Variants in PTPRN2 observed in about 807,000 individuals in gnomAD.
The protein encoded by PTPRN2 is protein tyrosine phosphatase receptor type N2.
In PTPRN2, 74 loss-of-function variants were observed where a neutral mutation model predicts 118.8. The observed-to-expected ratio is 0.62, with a 90% CI of 0.52 to 0.76. The LOEUF (loss-of-function observed/expected upper bound fraction) is 0.76, where lower values mean the gene tolerates loss of function less well. Ranked by LOEUF, PTPRN2 falls within the 30% of genes least tolerant of loss-of-function variation. The pLI is 0.00. For synonymous variants in PTPRN2, 641 were observed against 608.0 expected (o/e 1.05, Z -0.80); for missense variants, 1,481 against 1,394.4 (o/e 1.06, Z -0.99).
Position 158,136,489 on chromosome 7 carries a change from T to C in PTPRN2, c.1173+166A>G, listed in dbSNP as rs558388180. ...TTTCGTATCCAAATATACACACTTT[T>C]GTATGTTCTCTTTATACTGTTTTTC... On this transcript the variant is annotated intron_variant, in intron 8 of 22. Coordinates refer to ENST00000389418, the MANE Select transcript of PTPRN2 (RefSeq NM_002847.5). Among the ~76,000 whole-genome samples the C allele has an allele frequency of 6.6e-5, 10 of 152,354 alleles. No individual in the cohort carries two copies. The South Asian group carries it at 1.7e-3, about 25-fold the overall frequency.
In PTPRN2 at chr7:157,627,486, G is replaced by C. The variant is rs1003269306; in HGVS notation, c.2197-5977C>G. ...AGTGCTTAGGGAAGTTGGAGTTGCT[G>C]TCTGTTCCCTGATCCTTAGGAAGCG... is the stretch of plus-strand genomic sequence containing the variant. On this transcript the variant is annotated intron_variant, in intron 14 of 22. Coordinates refer to ENST00000389418, the MANE Select transcript of PTPRN2 (RefSeq NM_002847.5). This position sits in a 1 kb window ranked among gnomAD's most constrained non-coding sequence, Gnocchi z 4.2. 6.6e-6 allele frequency among the ~76,000 whole-genome samples: 1 copy of C among 152,198 alleles called. No homozygotes were observed. Among genetic ancestry groups the C allele is most frequent in the Non-Finnish European group, 1.5e-5 (1 of 68,028 alleles).
chr7:157,794,273 TCCGACCCGGG>T lies in PTPRN2; in HGVS notation c.1788+104390_1788+104399del, dbSNP rs1343544558. On this transcript the variant is annotated intron_variant, in intron 12 of 22. Transcript: ENST00000389418. The surrounding 1 kb of genome is among the most constrained non-coding windows in gnomAD (Gnocchi z 5.2). ...GCTCACACCTCCCCTCGTTCTCTGC[TCCGACCCGGG>T]CTCACACCTCCCCTCGTTCTCTGCT... Among the ~76,000 whole-genome samples, 4 of 150,362 alleles carry T rather than the reference TCCGACCCGGG, an allele frequency of 2.7e-5. No individual in the cohort carries two copies. The highest frequency in any genetic ancestry group is 9.8e-5 in the African/African-American group (4 of 40,728).
At chr7:157,606,852 A>G (rs1802031152) in intron 15 of PTPRN2, among the ~76,000 whole-genome samples, 1 of 152,256 alleles carries the variant, frequency 6.6e-6, no homozygotes, top group African/African-American at 2.4e-5. Flanking sequence ...GAACTAGGAA[A>G]GTACTGTGCA....
At chr7:158,337,136 C>T (rs371091148) in intron 2 of PTPRN2, among the ~76,000 whole-genome samples, 2,351 of 110,410 alleles carry the variant, frequency 0.021, 2 homozygotes, top group African/African-American at 0.065. Flanking sequence ...AGGTCACTTA[C>T]AGCCATACTC....
intron 11 of PTPRN2, among the ~76,000 whole-genome samples, chr7:157,969,833 C>T (rs1802197097): frequency 6.6e-6 from 1 of 151,920 alleles, no homozygotes; most frequent in Non-Finnish European, 1.5e-5. Context: ...TGTTGACTCT[C>T]CTGATCTCCT....
At chr7:157,832,942 CCA>C (rs1363907166) in intron 12 of PTPRN2, among the ~76,000 whole-genome samples, 1 of 152,240 alleles carries the variant, frequency 6.6e-6, no homozygotes, top group Non-Finnish European at 1.5e-5. Flanking sequence ...GCGGGATTCT[CCA>C]GGAGGTGCGT....
At chr7:158,429,758 A>G (rs1816017786) in intron 2 of PTPRN2, among the ~76,000 whole-genome samples, 1 of 152,272 alleles carries the variant, frequency 6.6e-6, no homozygotes, top group African/African-American at 2.4e-5. Flanking sequence ...ATCTTAATAC[A>G]GATGGATGCA....
At chr7:158,075,597 G>A (rs181404431) in intron 11 of PTPRN2, among the ~76,000 whole-genome samples, 6 of 152,266 alleles carry the variant, frequency 3.9e-5, no homozygotes, top group African/African-American at 9.6e-5. Context: ...CCCACGCCGC[G>A]CCCTCCACTT....
rs1808703862 is a variant in PTPRN2 at position 157,845,089 on chromosome 7, G to A, written c.1788+53584C>T. On this transcript the variant is annotated intron_variant, in intron 12 of 22. Coordinates refer to ENST00000389418, the MANE Select transcript of PTPRN2 (RefSeq NM_002847.5). The surrounding 1 kb of genome is among the most constrained non-coding windows in gnomAD (Gnocchi z 4.5). ...TAGACAAAGGGAGAGGTGAGCACAAGGTCACAGGGACGCAGCCCTGACCTC... is the reference window on the plus strand; with the variant it reads ...TAGACAAAGGGAGAGGTGAGCACAAAGTCACAGGGACGCAGCCCTGACCTC... Among the ~76,000 whole-genome samples, 1 of 152,110 alleles carries A rather than the reference G, an allele frequency of 6.6e-6. No individual in the cohort carries two copies. Among genetic ancestry groups the A allele is most frequent in the Non-Finnish European group, 1.5e-5 (1 of 68,016 alleles).
rs78664549 is a variant in PTPRN2, at chr7:157,794,024, C to T, written c.1788+104649G>A. Among the ~76,000 whole-genome samples the T allele has an allele frequency of 0.052, 7,911 of 152,220 alleles. 694 individuals are homozygous for T. The highest frequency in any genetic ancestry group is 0.18 in the African/African-American group (7,326 of 41,484). ...CCCCACCCTCCAGGCCACCTTCGGGCCTCGGCAGCACACCTCGAGGGGCCC... is the reference window on the plus strand; with the variant it reads ...CCCCACCCTCCAGGCCACCTTCGGGTCTCGGCAGCACACCTCGAGGGGCCC... On this transcript the variant is annotated intron_variant, in intron 12 of 22. Transcript: ENST00000389418. This position sits in a 1 kb window ranked among gnomAD's most constrained non-coding sequence, Gnocchi z 5.2.
Position 158,517,655 on chromosome 7 carries a change from T to G in PTPRN2, c.113-27870A>C, listed in dbSNP as rs1489270803. On this transcript the variant is annotated intron_variant, in intron 1 of 22. Coordinates refer to ENST00000389418, the MANE Select transcript of PTPRN2 (RefSeq NM_002847.5). The surrounding 1 kb of genome is among the most constrained non-coding windows in gnomAD (Gnocchi z 5.3). ...GCAGTCCCCTGCCTTTAGGGTGGAG[T>G]CCAAGCCAGCCTCATGGACAGCGTC... Among the ~76,000 whole-genome samples, 1 of 151,636 alleles carries G rather than the reference T, an allele frequency of 6.6e-6. No homozygotes were observed. The highest frequency in any genetic ancestry group is 1.9e-4 in the East Asian group (1 of 5,162).
chr7:157,939,636 G>A (rs1001920768), intron 11 of PTPRN2, among the ~76,000 whole-genome samples: 2 of 152,266 alleles, frequency 1.3e-5, no homozygotes, highest in African/African-American at 2.4e-5. Context: ...CAACCCCATC[G>A]TCCAGTGTCT....
chr7:158,234,833 G>A (rs1305477266), intron 3 of PTPRN2, among the ~76,000 whole-genome samples: 7 of 152,188 alleles, frequency 4.6e-5, no homozygotes, highest in East Asian at 1.9e-4. Flanking sequence ...CACAATCTCC[G>A]CTCACTGCAA....
intron 3 of PTPRN2, among the ~76,000 whole-genome samples, chr7:158,244,940 G>A (rs142096697): frequency 3.0e-4 from 46 of 152,352 alleles, no homozygotes; most frequent in African/African-American, 8.9e-4. Context: ...GGTGGGGGCC[G>A]TGGGAGAAGC....
intron 6 of PTPRN2, 104 bp downstream of exon 6, chr7:158,166,827 G>A (rs755113654): frequency 1.1e-5 from 14 of 1,323,040 alleles, no homozygotes; most frequent in South Asian, 2.2e-5. Context: ...GGGGAGTGCG[G>A]TGTGCAGACC....
At chr7:157,993,441 C>T (rs1804410697) in intron 11 of PTPRN2, among the ~76,000 whole-genome samples, 1 of 152,022 alleles carries the variant, frequency 6.6e-6, no homozygotes, top group African/African-American at 2.4e-5. Flanking sequence ...TTTTCCTCCC[C>T]TTTCAGAAAT....
intron 3 of PTPRN2, among the ~76,000 whole-genome samples, chr7:158,241,330 C>T (rs537504812): frequency 6.6e-6 from 1 of 152,220 alleles, no homozygotes; most frequent in East Asian, 1.9e-4. Context: ...GCCTGGCCAA[C>T]ATGGCAAAAC....
At chr7:157,761,447 A>T (rs190602106) in intron 12 of PTPRN2, among the ~76,000 whole-genome samples, 10,887 of 151,422 alleles carry the variant, frequency 0.072, 476 homozygotes, top group African/African-American at 0.11. Flanking sequence ...ATAATGCCTC[A>T]TATCTACAAC....
rs1241039424 is a variant in PTPRN2, at chr7:157,785,875, A to T, written c.1789-102938T>A. Reference sequence around the variant, plus strand: ...AGCGGAGGTTTTCCTGGAGTTCATAATCACTGGTTTTTTTTGTGTGCGTGT... The same window carrying T: ...AGCGGAGGTTTTCCTGGAGTTCATATTCACTGGTTTTTTTTGTGTGCGTGT... On this transcript the variant is annotated intron_variant, in intron 12 of 22. Coordinates refer to ENST00000389418, the MANE Select transcript of PTPRN2 (RefSeq NM_002847.5). This position sits in a 1 kb window ranked among gnomAD's most constrained non-coding sequence, Gnocchi z 7.3. 6.6e-6 allele frequency among the ~76,000 whole-genome samples: 1 copy of T among 151,980 alleles called. No homozygotes were observed. Among genetic ancestry groups the T allele is most frequent in the African/African-American group, 2.4e-5 (1 of 41,366 alleles).
Sources: gnomAD v4.1 joint callset for allele counts (sites outside exome capture counted in the v4.1 genomes callset) on GRCh38, gnomAD v4.1.1 for gene constraint, Gnocchi (gnomAD v3.1) non-coding constraint, MANE v1.5 for transcripts, NCBI Gene and HGNC (gene_info 2026-07-23, HGNC 2026-07-21) for gene names.